The following LIPJ variants were observed in gnomAD, a reference collection of about 807,000 sequenced individuals.
LIPJ encodes the protein lipase family member J.
LIPJ carries 33 observed loss-of-function variants against 39.8 expected under a neutral mutation model. The ratio of observed to expected loss-of-function variants is 0.83; its 90% confidence interval spans 0.63 to 1.11. The LOEUF is 1.11. LIPJ is among the 50% of genes least tolerant of loss of function. The pLI, the probability that LIPJ is intolerant of heterozygous loss-of-function variation, is 0.00. For synonymous variants in LIPJ, 128 were observed against 139.2 expected, an observed-to-expected ratio of 0.92 and a Z score of 0.57; for missense variants, 422 against 427.9, an observed-to-expected ratio of 0.99 and a Z score of 0.12.
At position 88,606,812 on chromosome 10, in the gene LIPJ, A is replaced by G. The variant is rs774018558; in HGVS notation, c.1006A>G (p.Ile336Val). The G allele has an allele frequency of 2.5e-6, 4 of 1,612,434 alleles. No homozygotes were observed. In the South Asian group the frequency reaches 3.3e-5, roughly 13 times the overall value. The change falls in exon 11 of 11, where the codon ATT (isoleucine) becomes GTT (valine). Residue 336 changes from isoleucine to valine, a missense_variant. Ile to Val is a conservative substitution (Grantham distance 29). Coordinates refer to ENST00000371939, the Ensembl canonical transcript of LIPJ. ...CACAAACCACATTTATTATAAAACT[A>G]TTTCTTACTACAATCATATAGACTC...
downstream of LIPJ, among the ~76,000 whole-genome samples, chr10:88,610,132 T>C (rs148492311): frequency 8.5e-5 from 13 of 152,226 alleles, no homozygotes; most frequent in East Asian, 2.3e-3. Flanking sequence ...AAAATGAAAA[T>C]TGATCACTTA....
At chr10:88,618,322 CTT>C in the LIPJ span, 1 of 152,202 alleles carries the variant, frequency 6.6e-6, no homozygotes. Flanking sequence ...GAGAAGATAA[CTT>C]GAAGGGCATA....
the LIPJ span, among the ~76,000 whole-genome samples, chr10:88,619,910 T>TA: frequency 6.6e-6 from 1 of 151,690 alleles, no homozygotes; most frequent in Non-Finnish European, 1.5e-5. Flanking sequence ...AAATTAGATT[T>TA]AAAAAAATTA....
At position 88,598,996 on chromosome 10, in the gene LIPJ, ATAT is replaced by A. The variant is rs1311359559; in HGVS notation, c.723+2064_723+2066del. On this transcript the variant is annotated intron_variant, in intron 8 of 10. Transcript: ENST00000371939. ...TATTATTACAATAATATAAAATATT[ATAT>A]TATATTATAATAATATATTATATTA... is the stretch of plus-strand genomic sequence containing the variant. Among the ~76,000 whole-genome samples, 14 of 144,710 alleles carry A rather than the reference ATAT, an allele frequency of 9.7e-5. No individual in the cohort carries two copies. The East Asian group carries it at 2.2e-3, about 23-fold the overall frequency. The allele number at this position is 144,710 out of a possible 152,430, so 94.9% of individuals were successfully genotyped here.
At chr10:88,583,418 G>A, upstream of LIPJ, 19 of 1,360,238 alleles carry the variant, frequency 1.4e-5, no homozygotes, top group East Asian at 3.0e-5. Flanking sequence ...GCGGAGAACC[G>A]GGGCTGTCTG....
At chr10:88,601,156 C>G (rs1851461814) in intron 8 of LIPJ, among the ~76,000 whole-genome samples, 2 of 152,034 alleles carry the variant, frequency 1.3e-5, no homozygotes, top group African/African-American at 4.8e-5. Context: ...CCATATTGGT[C>G]AGGCTGGTCT....
chr10:88,603,076 A>G (rs962142601), intron 9 of LIPJ, among the ~76,000 whole-genome samples: 7 of 152,216 alleles, frequency 4.6e-5, no homozygotes, highest in Non-Finnish European at 8.8e-5. Context: ...TGGGTGACAG[A>G]GTAAGACTCT....
chr10:88,614,418 T>A, the LIPJ span, among the ~76,000 whole-genome samples: 1 of 152,114 alleles, frequency 6.6e-6, no homozygotes, highest in African/African-American at 2.4e-5. Context: ...AAATTTTCCA[T>A]AATCAAAAGT....
At chr10:88,604,795 A>G (rs1007699607) in intron 9 of LIPJ, among the ~76,000 whole-genome samples, 2 of 152,178 alleles carry the variant, frequency 1.3e-5, no homozygotes, top group African/African-American at 4.8e-5. Context: ...GGAAAGACTT[A>G]TAAAAGAAGA....
downstream of LIPJ, among the ~76,000 whole-genome samples, chr10:88,611,036 G>C (rs1295119841): frequency 6.6e-6 from 1 of 152,156 alleles, no homozygotes; most frequent in Non-Finnish European, 1.5e-5. Context: ...ACCTCCACCA[G>C]AGCAGTGCTG....
upstream of LIPJ, chr10:88,584,130 C>CA (rs1432939372): frequency 6.6e-6 from 1 of 151,824 alleles, no homozygotes; most frequent in African/African-American, 2.4e-5. Context: ...CAATGGTAGC[C>CA]AATTATAATG....
intron 8 of LIPJ, among the ~76,000 whole-genome samples, chr10:88,601,158 G>T (rs12571442): frequency 6.6e-6 from 1 of 151,938 alleles, no homozygotes; most frequent in African/African-American, 2.4e-5. Context: ...ATATTGGTCA[G>T]GCTGGTCTCG....
the LIPJ span, among the ~76,000 whole-genome samples, chr10:88,613,222 A>G: frequency 6.6e-6 from 1 of 152,168 alleles, no homozygotes; most frequent in Non-Finnish European, 1.5e-5. Context: ...CATGTTTTCT[A>G]GTTTTCTAAG....
chr10:88,597,891 A>G (rs925938207), intron 8 of LIPJ, among the ~76,000 whole-genome samples: 3 of 151,738 alleles, frequency 2.0e-5, no homozygotes, highest in Non-Finnish European at 2.9e-5. Context: ...CACTCATTCT[A>G]TGTTTTAGGT....
chr10:88,613,800 A>ATCTATATATATATATGTGTGTG, the LIPJ span, among the ~76,000 whole-genome samples: 1 of 74,156 alleles, frequency 1.3e-5, no homozygotes, highest in African/African-American at 4.8e-5. Flanking sequence ...ATATATATAT[A>ATCTATATATATATATGTGTGTG]TGTGTGTGTG....
chr10:88,596,285 A>G (rs757962137), exon 7 of LIPJ: 51 of 1,426,918 alleles, frequency 3.6e-5, no homozygotes, highest in East Asian at 1.3e-4. Context: ...TTTAGGTTTC[A>G]TAACATTTTC....
At chr10:88,583,243 C>T, upstream of LIPJ, 2 of 1,602,942 alleles carry the variant, frequency 1.2e-6, no homozygotes, top group South Asian at 2.2e-5. Context: ...GCCGTTCGGC[C>T]CGGGCTTTCT....
chr10:88,588,470 A>G (rs564397183), intron 2 of LIPJ, among the ~76,000 whole-genome samples: 1 of 152,022 alleles, frequency 6.6e-6, no homozygotes, highest in South Asian at 2.1e-4. Context: ...AAATGTGTAA[A>G]TCATTATTAT....
chr10:88,609,756 G>A (rs1222232158), downstream of LIPJ, among the ~76,000 whole-genome samples: 2 of 147,414 alleles, frequency 1.4e-5, no homozygotes, highest in African/African-American at 5.0e-5. Flanking sequence ...AAAATTAGCT[G>A]GGCGTGGTGG....
Sources: allele counts gnomAD v4.1 joint callset (sites outside exome capture counted in the v4.1 genomes callset), GRCh38; gene constraint gnomAD v4.1.1; transcripts MANE v1.5; gene names NCBI Gene and HGNC (gene_info 2026-07-23, HGNC 2026-07-21).